The following TENM1 variants were observed in gnomAD, a reference collection of about 807,000 sequenced individuals.
TENM1 encodes the protein teneurin transmembrane protein 1.
In TENM1, 35 loss-of-function variants were observed where a neutral mutation model predicts 174.8. The observed-to-expected ratio is 0.20, with a 90% CI of 0.15 to 0.27. The LOEUF (loss-of-function observed/expected upper bound fraction) is 0.27. Among genes scored for constraint, TENM1 ranks in the 10% least tolerant of loss-of-function variants. The pLI, the probability that TENM1 is intolerant of heterozygous loss-of-function variation, is 1.00. For synonymous variants in TENM1, 781 were observed against 798.7 expected (o/e 0.98, Z 0.37); for missense variants, 1,633 against 2,130.1 (o/e 0.77, Z 4.59).
intron 5 of TENM1, among the ~76,000 whole-genome samples, chrX:124,696,418 T>C (rs907279198): frequency 8.1e-5 from 9 of 111,735 alleles, no homozygotes; most frequent in African/African-American, 2.9e-4. Context: ...AATAGGTTTC[T>C]ATGTCTGGAG....
At chrX:124,975,842 G>A in the TENM1 span, among the ~76,000 whole-genome samples, 5 of 111,842 alleles carry the variant, frequency 4.5e-5, no homozygotes, top group African/African-American at 9.7e-5. Context: ...CTATGCCAAA[G>A]GCAGCAGACT....
At chrX:124,840,205 G>T (rs2056470033) in intron 3 of TENM1, among the ~76,000 whole-genome samples, 2 of 111,400 alleles carry the variant, frequency 1.8e-5, no homozygotes, top group African/African-American at 6.5e-5. Flanking sequence ...GATGTCATTG[G>T]AACTTATAAC....
At position 124,642,134 on chromosome X, in the gene TENM1, C is replaced by T. The variant is rs1004481346; in HGVS notation, c.1877-143G>A. On this transcript the variant is annotated intron_variant, in intron 10 of 31. Coordinates refer to ENST00000422452, the Ensembl canonical transcript of TENM1. ...GCTTTAATTAGGCAATAAAATGACTCATGCAAACACTCTGTCCAAACCATA... is the reference window on the plus strand; with the variant it reads ...GCTTTAATTAGGCAATAAAATGACTTATGCAAACACTCTGTCCAAACCATA... 18 of 491,371 alleles carry T rather than the reference C, an allele frequency of 3.7e-5. No individual in the cohort carries two copies. The African/African-American group carries it at 4.0e-4, about 11-fold the overall frequency. 40.5% of individuals were successfully genotyped at this position (491,371 alleles called of 1,213,427 possible).
At chrX:125,050,055 C>A in the TENM1 span, among the ~76,000 whole-genome samples, 1 of 109,310 alleles carries the variant, frequency 9.1e-6, no homozygotes, top group Non-Finnish European at 1.9e-5. Context: ...TGCTGTGACA[C>A]CCTTATTCAT....
the TENM1 span, among the ~76,000 whole-genome samples, chrX:125,168,548 A>T: frequency 9.0e-6 from 1 of 111,407 alleles, no homozygotes; most frequent in Non-Finnish European, 1.9e-5. Flanking sequence ...AGGATTTTCT[A>T]TTTGTATTAG....
intron 6 of TENM1, among the ~76,000 whole-genome samples, chrX:124,665,116 T>A (rs1299709071): frequency 8.9e-6 from 1 of 111,886 alleles, no homozygotes. Context: ...GGCGGGCAGA[T>A]CACCGGAGGT....
chrX:124,556,478 T>C (rs1412645084), intron 14 of TENM1, among the ~76,000 whole-genome samples: 1 of 110,938 alleles, frequency 9.0e-6, no homozygotes, highest in Admixed American at 9.6e-5. Flanking sequence ...TTTGAGAAAG[T>C]TAGCCAAGGG....
chrX:124,867,064 A>G (rs2057022396), intron 3 of TENM1, among the ~76,000 whole-genome samples: 1 of 111,722 alleles, frequency 9.0e-6, no homozygotes, highest in Non-Finnish European at 1.9e-5. Context: ...AAACATTTAA[A>G]GAAGAACTAA....
chrX:125,166,886 G>A, the TENM1 span, among the ~76,000 whole-genome samples: 13 of 111,483 alleles, frequency 1.2e-4, no homozygotes, highest in Admixed American at 2.9e-4. Context: ...TAAAGCAAAC[G>A]TTCATTCTTT....
intron 1 of TENM1, among the ~76,000 whole-genome samples, chrX:124,915,480 G>A (rs1348837528): frequency 3.6e-5 from 4 of 112,002 alleles, no homozygotes; most frequent in East Asian, 2.8e-4. Context: ...AGCCGATATC[G>A]CACCACTGCA....
chrX:124,625,065 A>C, intron 11 of TENM1, among the ~76,000 whole-genome samples: 1 of 112,145 alleles, frequency 8.9e-6, no homozygotes, highest in Non-Finnish European at 1.9e-5. Flanking sequence ...TCAAAGATCC[A>C]TGGGAAACTC....
chrX:124,652,772 A>AT (rs200460839), intron 7 of TENM1, among the ~76,000 whole-genome samples: 11,590 of 111,267 alleles, frequency 0.1, 1,266 homozygotes, highest in African/African-American at 0.33. Flanking sequence ...CCTCCTCTCC[A>AT]TTTTTTCTAA....
rs182578971 is a variant in TENM1 at position 124,541,155 on chromosome X, T to C, written c.2651+5719A>G. On this transcript the variant is annotated intron_variant, in intron 15 of 31. Coordinates refer to ENST00000422452, the Ensembl canonical transcript of TENM1. ...GGTTCTACATTTGAGAATTGGATTATTTAAGGTCCTAATATCATTTGTGTG... is the reference window on the plus strand; with the variant it reads ...GGTTCTACATTTGAGAATTGGATTACTTAAGGTCCTAATATCATTTGTGTG... Among the ~76,000 whole-genome samples, 3 of 112,514 alleles carry C rather than the reference T, an allele frequency of 2.7e-5. No homozygotes were observed. The East Asian group carries it at 8.3e-4, about 31-fold the overall frequency.
chrX:124,552,529 C>T (rs745508959), intron 14 of TENM1, among the ~76,000 whole-genome samples: 2 of 111,860 alleles, frequency 1.8e-5, no homozygotes, highest in East Asian at 5.6e-4. Flanking sequence ...AACCACATAC[C>T]ATTAAACTTT....
At chrX:124,947,689 C>G (rs1218942003) in intron 1 of TENM1, among the ~76,000 whole-genome samples, 1 of 111,830 alleles carries the variant, frequency 8.9e-6, no homozygotes, top group East Asian at 2.8e-4. Flanking sequence ...AAGCATTTTT[C>G]TGTAACAGCT....
intron 3 of TENM1, among the ~76,000 whole-genome samples, chrX:124,837,465 C>A (rs1171075617): frequency 2.7e-5 from 3 of 112,463 alleles, no homozygotes; most frequent in African/African-American, 9.7e-5. Context: ...AAAATGACTT[C>A]TTTCACTTTA....
rs138669435 is a variant in TENM1, at chrX:124,737,088, A to G, written c.645T>C (p.Ser215=). 2.0e-4 allele frequency: 239 copies of G among 1,208,583 alleles called. No homozygotes were observed. In the African/African-American group the frequency reaches 4.0e-3, roughly 20 times the overall value. The change falls in exon 4 of 32, where the codon TCT becomes TCC. Residue 215 remains serine, a synonymous_variant. Coordinates refer to ENST00000422452, the Ensembl canonical transcript of TENM1. Reference sequence around the variant, plus strand: ...GGGTAGTCATTGATCTCCTCTGAAGAGAGTCCGCTGCAGGGGGTGGCTTCC... The same window carrying G: ...GGGTAGTCATTGATCTCCTCTGAAGGGAGTCCGCTGCAGGGGGTGGCTTCC...
At chrX:124,433,952 T>C (rs190151145) in intron 23 of TENM1, among the ~76,000 whole-genome samples, 321 of 112,111 alleles carry the variant, frequency 2.9e-3, no homozygotes, top group Non-Finnish European at 3.4e-3. Flanking sequence ...CATGGTGTCT[T>C]AGAATTTAGG....
rs745397459 is a variant in TENM1 at position 124,464,249 on chromosome X, TG to T, written c.3950-10759del. ...GGACCAGCAAAAAACTAATTGCAGT[TG>T]TTGCACTCTAGGGAAAATGAGTCTA... On this transcript the variant is annotated intron_variant, in intron 22 of 31. Coordinates refer to ENST00000422452, the Ensembl canonical transcript of TENM1. Among the ~76,000 whole-genome samples the T allele has an allele frequency of 3.9e-3, 434 of 111,452 alleles. 1 individual carries two copies. The highest frequency in any genetic ancestry group is 6.5e-3 in the Non-Finnish European group (346 of 53,109).
Sources: gnomAD v4.1 joint callset for allele counts (sites outside exome capture counted in the v4.1 genomes callset) on GRCh38, gnomAD v4.1.1 for gene constraint, MANE v1.5 for transcripts, NCBI Gene and HGNC (gene_info 2026-07-23, HGNC 2026-07-21) for gene names.